The following PRH1 variants were observed in gnomAD, a reference collection of about 807,000 sequenced individuals.
PRH1 encodes the protein proline rich protein HaeIII subfamily 1.
PRH1 carries 7 observed loss-of-function variants against 7.9 expected under a neutral mutation model. That is an observed-to-expected ratio of 0.89 (90% confidence interval 0.50 to 1.67). The LOEUF (loss-of-function observed/expected upper bound fraction) is 1.67. PRH1 is among the 40% of genes most tolerant of loss of function. The pLI is 0.00. For missense variants in PRH1, 109 were observed against 223.6 expected, an observed-to-expected ratio of 0.49 and a Z score of 3.27; for synonymous variants, 45 against 80.8, an observed-to-expected ratio of 0.56 and a Z score of 2.38.
intron 1 of PRH1, among the ~76,000 whole-genome samples, chr12:11,025,287 A>G (rs1941852275): frequency 7.9e-6 from 1 of 127,074 alleles, no homozygotes; most frequent in South Asian, 2.7e-4. Context: ...TATTTTCAGT[A>G]ATTTTATTTT....
chr12:11,035,721 C>G lies in PRH1; in HGVS notation c.-126+11299G>C, dbSNP rs537062936. Among the ~76,000 whole-genome samples the G allele has an allele frequency of 3.9e-5, 6 of 152,174 alleles. No homozygotes were observed. The East Asian group carries it at 9.6e-4, about 24-fold the overall frequency. On this transcript the variant is annotated intron_variant, in intron 1 of 3. Coordinates refer to the PRH1 transcript ENST00000539853. Reference sequence around the variant, plus strand: ...CTGGAAATTGATTTGATGTCAGTAGCTTTTTTTGGATAGTATCTTATCTGT... The same window carrying G: ...CTGGAAATTGATTTGATGTCAGTAGGTTTTTTTGGATAGTATCTTATCTGT...
intron 1 of PRH1, chr12:11,171,210 G>C (rs936203316): frequency 2.0e-5 from 9 of 444,086 alleles, no homozygotes; most frequent in Non-Finnish European, 3.0e-5. Flanking sequence ...GCGCCGCACT[G>C]CACCGAGCGG....
chr12:10,974,593 A>G (rs945708831), intron 1 of PRH1, among the ~76,000 whole-genome samples: 1 of 152,200 alleles, frequency 6.6e-6, no homozygotes, highest in Non-Finnish European at 1.5e-5. Flanking sequence ...TTCCGAAATC[A>G]AACCCCCAAG....
chr12:10,960,694 A>G (rs1358674193), intron 2 of PRH1, among the ~76,000 whole-genome samples: 4 of 152,226 alleles, frequency 2.6e-5, no homozygotes, highest in Non-Finnish European at 4.4e-5. Context: ...ATTGGTATTC[A>G]TAAGCAGGAA....
chr12:10,912,128 T>C (rs988743126), intron 2 of PRH1, among the ~76,000 whole-genome samples: 21 of 152,284 alleles, frequency 1.4e-4, no homozygotes, highest in Middle Eastern at 3.4e-3. Context: ...ATTTATTCAA[T>C]TGCTGTATAG....
chr12:10,897,675 A>G (rs759655623), intron 2 of PRH1, among the ~76,000 whole-genome samples: 14 of 152,168 alleles, frequency 9.2e-5, no homozygotes, highest in Admixed American at 3.9e-4. Context: ...GAAATCAGAT[A>G]CATCTTCACA....
intron 1 of PRH1, among the ~76,000 whole-genome samples, chr12:11,040,669 C>A (rs775030520): frequency 1.3e-5 from 2 of 152,124 alleles, no homozygotes; most frequent in African/African-American, 4.8e-5. Flanking sequence ...TGTAACAACC[C>A]TGCGTGTTCT....
At chr12:11,124,133 G>T (rs1314771490) in intron 1 of PRH1, among the ~76,000 whole-genome samples, 1 of 142,780 alleles carries the variant, frequency 7.0e-6, no homozygotes, top group Non-Finnish European at 1.6e-5. Flanking sequence ...ATAGTAGCTT[G>T]TCTTGCTGGG....
In PRH1 at chr12:11,091,900, A is replaced by C. The variant is rs371095380; in HGVS notation, n.124-44712T>G. The stretch of plus-strand genomic sequence containing the variant: ...GAAAAATAAAGTTGGAGAAATTGGC[A>C]ATCTTGAGCAAATAAAATATGCTGA... On this transcript the variant is annotated intron_variant and non_coding_transcript_variant, in intron 1 of 4. Coordinates refer to the PRH1 transcript ENST00000541977. 7.9e-6 allele frequency: 10 copies of C among 1,267,132 alleles called. 3 individuals carry two copies. The African/African-American group carries it at 1.2e-4, about 16-fold the overall frequency. 78.5% of individuals were successfully genotyped at this position (1,267,132 alleles called of 1,614,324 possible). A position where few individuals can be genotyped will look rare whatever the true frequency, so the allele number is the denominator to read the frequency against.
chr12:10,917,961 C>T (rs1949995845), intron 2 of PRH1, among the ~76,000 whole-genome samples: 1 of 152,194 alleles, frequency 6.6e-6, no homozygotes. Context: ...GAGCAGATAT[C>T]AGTGCCTGCT....
intron 1 of PRH1, among the ~76,000 whole-genome samples, chr12:11,036,017 C>T (rs1476305533): frequency 1.3e-5 from 2 of 152,134 alleles, no homozygotes; most frequent in African/African-American, 4.8e-5. Flanking sequence ...CCTCAGCCTC[C>T]GGAGTAGCTG....
At chr12:11,168,278 A>G (rs1392927957) in intron 1 of PRH1, among the ~76,000 whole-genome samples, 3 of 52,566 alleles carry the variant, frequency 5.7e-5, no homozygotes, top group Non-Finnish European at 9.5e-5. Flanking sequence ...GAAAGAAAGA[A>G]AGAAAGAAAG....
intron 1 of PRH1, among the ~76,000 whole-genome samples, chr12:11,072,895 C>T (rs1288464266): frequency 6.6e-6 from 1 of 151,452 alleles, no homozygotes; most frequent in African/African-American, 2.4e-5. Context: ...CACTTCTGCT[C>T]TCAGTTTAAT....
intron 1 of PRH1, among the ~76,000 whole-genome samples, chr12:11,039,652 T>A (rs139235923): frequency 6.6e-6 from 1 of 152,244 alleles, no homozygotes; most frequent in Non-Finnish European, 1.5e-5. Flanking sequence ...CCAAAGTAGA[T>A]TTATATTTTC....
At chr12:11,042,623 C>CTTTTTTTTTTTTTTGT (rs1942752685) in intron 1 of PRH1, among the ~76,000 whole-genome samples, 1 of 79,320 alleles carries the variant, frequency 1.3e-5, no homozygotes, top group Non-Finnish European at 2.3e-5. Context: ...CAGGCTCATT[C>CTTTTTTTTTTTTTTGT]TTTTTTTTTT....
intron 2 of PRH1, among the ~76,000 whole-genome samples, chr12:10,929,580 T>C (rs1950173196): frequency 6.6e-6 from 1 of 152,050 alleles, no homozygotes; most frequent in African/African-American, 2.4e-5. Flanking sequence ...GAGATTTGCA[T>C]TTATAGAGAC....
At chr12:11,084,981 T>TTC (rs1333411173) in intron 1 of PRH1, among the ~76,000 whole-genome samples, 1 of 105,950 alleles carries the variant, frequency 9.4e-6, no homozygotes, top group Non-Finnish European at 2.2e-5. Context: ...CCCAGCTAAT[T>TTC]TTTTTTTTCT....
At chr12:11,039,196 A>C (rs1310379962) in intron 1 of PRH1, among the ~76,000 whole-genome samples, 1 of 152,208 alleles carries the variant, frequency 6.6e-6, no homozygotes, top group Non-Finnish European at 1.5e-5. Context: ...ATCATGTCTG[A>C]ATTTTTTTAA....
At chr12:10,942,892 A>C (rs570716506) in intron 2 of PRH1, among the ~76,000 whole-genome samples, 1 of 152,078 alleles carries the variant, frequency 6.6e-6, no homozygotes, top group Non-Finnish European at 1.5e-5. Flanking sequence ...TGCTCCCTCT[A>C]TTCCTGTATT....
Sources: allele counts gnomAD v4.1 joint callset (sites outside exome capture counted in the v4.1 genomes callset), GRCh38; gene constraint gnomAD v4.1.1; transcripts MANE v1.5; gene names NCBI Gene and HGNC (gene_info 2026-07-23, HGNC 2026-07-21).